The following FREM1 variants were observed in gnomAD, a reference collection of about 807,000 sequenced individuals.
The protein encoded by FREM1 is FRAS1 related extracellular matrix 1, also known as FRAS1-related extracellular matrix protein 1.
In FREM1, 220 loss-of-function variants were observed where a neutral mutation model predicts 210.1. The observed-to-expected ratio is 1.05, with a 90% CI of 0.94 to 1.17. The LOEUF (loss-of-function observed/expected upper bound fraction) is 1.17, where lower values mean the gene tolerates loss of function less well. FREM1 is among the 50% of genes most tolerant of loss of function. The probability of loss-of-function intolerance (pLI) is 0.00; values close to 1 mark genes in which losing one functional copy is unlikely to be tolerated. For synonymous variants in FREM1, 1,189 were observed against 980.2 expected (o/e 1.21, Z -3.98); for missense variants, 3,454 against 2,675.5 (o/e 1.29, Z -6.42).
intron 24 of FREM1, among the ~76,000 whole-genome samples, chr9:14,779,082 T>A (rs550498791): frequency 6.6e-6 from 1 of 152,280 alleles, no homozygotes; most frequent in Admixed American, 6.5e-5. Context: ...CTTTTTCATA[T>A]TCCCCCCAGA....
In FREM1 at chr9:14,868,892, T is replaced by C; in HGVS notation, c.86A>G (p.Asn29Ser). The change falls in exon 2 of 37, where the codon AAC (asparagine) becomes AGC (serine). Residue 29 changes from asparagine to serine, a missense_variant. Physicochemically the swap from Asn to Ser is conservative, Grantham distance 46 (BLOSUM62 1). Coordinates refer to ENST00000380880, the MANE Select transcript of FREM1 (RefSeq NM_001379081.2). ...GCCCTTCATCACCCTCACCCCGCGG[T>C]TGATGCTGATGAAGGTGGGGCTGGC... Reference protein sequence around the residue: ...AWASPTFISINRGVRVMKGHS... With the variant: ...AWASPTFISISRGVRVMKGHS... 1 of 1,606,274 alleles carries C rather than the reference T, an allele frequency of 6.2e-7. No individual in the cohort carries two copies. Among genetic ancestry groups the C allele is most frequent in the Non-Finnish European group, 8.5e-7 (1 of 1,176,466 alleles).
intron 16 of FREM1, 72 bp downstream of exon 16, chr9:14,812,740 G>A (rs1819623351): frequency 1.4e-6 from 2 of 1,428,276 alleles, no homozygotes; most frequent in South Asian, 1.5e-5. Context: ...TTTGATTATG[G>A]GAGCCCACAC....
intron 14 of FREM1, among the ~76,000 whole-genome samples, chr9:14,818,421 C>T (rs898370463): frequency 2.0e-5 from 3 of 152,200 alleles, no homozygotes; most frequent in Admixed American, 6.5e-5. Context: ...TTCTGGTCAA[C>T]TTTCTAGTCA....
upstream of FREM1, chr9:14,910,825 A>C (rs970661524): frequency 1.3e-5 from 2 of 152,062 alleles, no homozygotes; most frequent in African/African-American, 4.8e-5. Context: ...ACACATTCCC[A>C]TCTTCAAAGG....
intron 1 of FREM1, among the ~76,000 whole-genome samples, chr9:14,871,427 G>A (rs1225159418): frequency 6.6e-6 from 1 of 152,126 alleles, no homozygotes; most frequent in South Asian, 2.1e-4. Flanking sequence ...ATTTTTTCAT[G>A]TGTTATTTGG....
At chr9:14,890,742 A>G (rs1836669159) in intron 1 of FREM1, among the ~76,000 whole-genome samples, 1 of 152,216 alleles carries the variant, frequency 6.6e-6, no homozygotes, top group Non-Finnish European at 1.5e-5. Context: ...GCCTGTTTCT[A>G]CAGAGGCCTT....
In FREM1 at chr9:14,824,094, T is replaced by C. The variant is rs1243703016; in HGVS notation, c.2100A>G (p.Leu700=). 2 of 1,583,052 alleles carry C rather than the reference T, an allele frequency of 1.3e-6. No homozygotes were observed. Among genetic ancestry groups the C allele is most frequent in the Admixed American group, 1.8e-5 (1 of 55,844 alleles). ...CTTTTGGTATGCTGTCCACCATAAA[T>C]AATTTCCCAGCATCCAAGTGTCTAA... is the stretch of plus-strand genomic sequence containing the variant. The part of the protein sequence containing the change: ...FSHRHLDAGK[L]FMVDSIPKVV... The change falls in exon 12 of 37, where the codon TTA becomes TTG. Residue 700 remains leucine (L), a synonymous_variant. Coordinates refer to ENST00000380880, the MANE Select transcript of FREM1 (RefSeq NM_001379081.2).
chr9:14,813,123 C>T, intron 15 of FREM1, 59 bp from the exon 16 acceptor site: 4 of 1,511,806 alleles, frequency 2.6e-6, no homozygotes, highest in African/African-American at 1.4e-5. Flanking sequence ...AATTCTTTGA[C>T]AGGTAATCCA....
chr9:14,840,577 CA>C (rs1262355526), intron 10 of FREM1, among the ~76,000 whole-genome samples: 1 of 152,170 alleles, frequency 6.6e-6, no homozygotes, highest in African/African-American at 2.4e-5. Flanking sequence ...ATGAGAACAG[CA>C]CAGGAAAAAC....
At chr9:14,854,333 A>G (rs1354320988) in intron 5 of FREM1, among the ~76,000 whole-genome samples, 1 of 152,138 alleles carries the variant, frequency 6.6e-6, no homozygotes, top group African/African-American at 2.4e-5. Flanking sequence ...ATATTTCCTT[A>G]TTCAAGACAA....
chr9:14,813,910 T>A (rs1819842752), intron 15 of FREM1, among the ~76,000 whole-genome samples: 2 of 152,218 alleles, frequency 1.3e-5, no homozygotes, highest in Non-Finnish European at 2.9e-5. Flanking sequence ...GTGTGGACTT[T>A]AAGTCACTGC....
intron 10 of FREM1, among the ~76,000 whole-genome samples, chr9:14,827,977 G>T (rs1030562658): frequency 2.0e-5 from 3 of 152,200 alleles, no homozygotes; most frequent in African/African-American, 7.2e-5. Flanking sequence ...AAACACAGCT[G>T]CCTCCACTTA....
Position 14,804,495 on chromosome 9 carries a change from G to A in FREM1, c.3471+461C>T, listed in dbSNP as rs188635784. Among the ~76,000 whole-genome samples the A allele has an allele frequency of 2.0e-4, 30 of 152,318 alleles. No homozygotes were observed. The East Asian group carries it at 5.6e-3, about 28-fold the overall frequency. ...AGCTACTCGGGAGGCTGAGGCAGGA[G>A]AATGGCGTGAACCCGGGGGGCGGAG... On this transcript the variant is annotated intron_variant, in intron 19 of 36. Transcript: ENST00000380880.
intron 21 of FREM1, among the ~76,000 whole-genome samples, chr9:14,796,868 T>A (rs1852500646): frequency 6.6e-6 from 1 of 152,216 alleles, no homozygotes; most frequent in Admixed American, 6.5e-5. Context: ...CTTGGGTATG[T>A]CCTTATAGCA....
chr9:14,815,717 G>A (rs180817178), intron 15 of FREM1, among the ~76,000 whole-genome samples: 59 of 152,048 alleles, frequency 3.9e-4, no homozygotes, highest in Non-Finnish European at 6.8e-4. Context: ...GCATGATCTC[G>A]GCTCACTGCA....
At chr9:14,876,443 G>A (rs1833761382) in intron 1 of FREM1, among the ~76,000 whole-genome samples, 1 of 152,182 alleles carries the variant, frequency 6.6e-6, no homozygotes, top group African/African-American at 2.4e-5. Context: ...TGCTGTGCTA[G>A]CAATCAGTGA....
intron 1 of FREM1, among the ~76,000 whole-genome samples, chr9:14,870,495 T>C (rs1832436823): frequency 6.6e-6 from 1 of 152,166 alleles, no homozygotes; most frequent in Non-Finnish European, 1.5e-5. Flanking sequence ...CTTTGTTTTT[T>C]TTCTTAAATT....
intron 10 of FREM1, among the ~76,000 whole-genome samples, chr9:14,825,540 T>TGG (rs1473674091): frequency 5.1e-3 from 216 of 42,170 alleles, no homozygotes; most frequent in Non-Finnish European, 0.014. Context: ...TATATATGTG[T>TGG]GTGTGTGTAT....
chr9:14,818,206 C>T (rs1429857850), intron 14 of FREM1, among the ~76,000 whole-genome samples: 1 of 152,246 alleles, frequency 6.6e-6, no homozygotes, highest in Non-Finnish European at 1.5e-5. Flanking sequence ...AATATTGGTA[C>T]TGTTTATCCA....
Sources: allele counts gnomAD v4.1 joint callset (sites outside exome capture counted in the v4.1 genomes callset), GRCh38; gene constraint gnomAD v4.1.1; transcripts MANE v1.5; gene names NCBI Gene and HGNC (gene_info 2026-07-23, HGNC 2026-07-21).